Variants in KATNIP observed in about 807,000 individuals in gnomAD.
KATNIP encodes the protein katanin interacting protein.
A neutral mutation model predicts 174.0 loss-of-function variants in KATNIP; 126 were observed. The ratio of observed to expected loss-of-function variants is 0.72; its 90% CI spans 0.63 to 0.84. The LOEUF is 0.84. Among genes scored for constraint, KATNIP ranks in the 40% least tolerant of loss-of-function variants. The pLI, the probability that KATNIP is intolerant of heterozygous loss-of-function variation, is 0.00. For missense variants in KATNIP, 1,958 were observed against 2,109.7 expected (o/e 0.93, Z 1.41); for synonymous variants, 810 against 835.7 (o/e 0.97, Z 0.53).
intron 2 of KATNIP, among the ~76,000 whole-genome samples, chr16:27,578,280 C>T (rs1380016955): frequency 1.3e-5 from 2 of 152,084 alleles, no homozygotes; most frequent in Non-Finnish European, 2.9e-5. Flanking sequence ...CTGCAGTGAG[C>T]CAAGATCACA....
At chr16:27,717,044 A>G (rs1161360950) in intron 13 of KATNIP, among the ~76,000 whole-genome samples, 3 of 151,934 alleles carry the variant, frequency 2.0e-5, no homozygotes. Context: ...GGGTTTCACT[A>G]TGTTGGCCCG....
intron 6 of KATNIP, among the ~76,000 whole-genome samples, chr16:27,652,526 G>A (rs1241560904): frequency 6.6e-6 from 1 of 152,096 alleles, no homozygotes; most frequent in Non-Finnish European, 1.5e-5. Flanking sequence ...CCGTTTAAGT[G>A]GTATTGTCTC....
At chr16:27,652,173 G>A (rs1454901326) in intron 6 of KATNIP, among the ~76,000 whole-genome samples, 1 of 152,184 alleles carries the variant, frequency 6.6e-6, no homozygotes, top group Admixed American at 6.5e-5. Flanking sequence ...AATGTGTCAG[G>A]AGACAACAGG....
chr16:27,639,990 C>T (rs1039187957), intron 5 of KATNIP, among the ~76,000 whole-genome samples: 3 of 152,208 alleles, frequency 2.0e-5, no homozygotes, highest in African/African-American at 4.8e-5. Context: ...ACCCACACAA[C>T]CATATGGGGC....
chr16:27,600,747 T>TA (rs2075494653), intron 2 of KATNIP, among the ~76,000 whole-genome samples: 1 of 151,264 alleles, frequency 6.6e-6, no homozygotes, highest in African/African-American at 2.4e-5. Context: ...TTTTTTTTTT[T>TA]AGACGGAGTT....
intron 2 of KATNIP, among the ~76,000 whole-genome samples, chr16:27,617,765 C>A (rs2076082011): frequency 6.6e-6 from 1 of 152,072 alleles, no homozygotes; most frequent in South Asian, 2.1e-4. Flanking sequence ...TTCTTTGAGA[C>A]ACTCTGTTGC....
chr16:27,634,518 C>T (rs138943897), intron 5 of KATNIP, among the ~76,000 whole-genome samples: 2 of 152,312 alleles, frequency 1.3e-5, no homozygotes, highest in East Asian at 3.9e-4. Flanking sequence ...GAAGGTGTCA[C>T]CTTAGCTGCA....
intron 14 of KATNIP, among the ~76,000 whole-genome samples, chr16:27,722,997 C>T (rs920968537): frequency 4.6e-5 from 7 of 152,180 alleles, no homozygotes; most frequent in African/African-American, 1.7e-4. Context: ...TGGGAGAGAT[C>T]AGGGAAGGTT....
At chr16:27,648,126 C>T (rs898011955) in intron 5 of KATNIP, among the ~76,000 whole-genome samples, 1 of 152,084 alleles carries the variant, frequency 6.6e-6, no homozygotes, top group Non-Finnish European at 1.5e-5. Context: ...AAAACCCCGT[C>T]TCTACTAAAA....
At chr16:27,623,669 T>C (rs1340887189) in intron 3 of KATNIP, among the ~76,000 whole-genome samples, 1 of 152,180 alleles carries the variant, frequency 6.6e-6, no homozygotes, top group African/African-American at 2.4e-5. Context: ...TCGATATAAA[T>C]GCCTTCTCCC....
chr16:27,640,304 C>T (rs964463203), intron 5 of KATNIP, among the ~76,000 whole-genome samples: 5 of 152,220 alleles, frequency 3.3e-5, no homozygotes, highest in African/African-American at 4.8e-5. Context: ...GGTACAGCAG[C>T]GTGCCAAGCG....
chr16:27,612,160 A>G (rs895159807), intron 2 of KATNIP, among the ~76,000 whole-genome samples: 1 of 152,224 alleles, frequency 6.6e-6, no homozygotes, highest in Non-Finnish European at 1.5e-5. Context: ...TGTAAGTGCC[A>G]GGTACTGTGC....
chr16:27,754,479 T>C, intron 18 of KATNIP: 1 of 552,378 alleles, frequency 1.8e-6, no homozygotes, highest in Non-Finnish European at 3.2e-6. Flanking sequence ...GCATTTTGCC[T>C]TCCCTGAGGG....
At chr16:27,661,925 T>TATATAC (rs1567268903) in intron 6 of KATNIP, among the ~76,000 whole-genome samples, 2 of 49,026 alleles carry the variant, frequency 4.1e-5, no homozygotes, top group Non-Finnish European at 7.6e-5. Flanking sequence ...TATATATATA[T>TATATAC]ATATATATAT....
intron 2 of KATNIP, among the ~76,000 whole-genome samples, chr16:27,580,164 G>A (rs905067946): frequency 6.6e-6 from 1 of 152,108 alleles, no homozygotes; most frequent in Admixed American, 6.6e-5. Context: ...CCAGATTGGA[G>A]TGCAGTGGCG....
chr16:27,703,949 A>G lies in KATNIP; in HGVS notation c.1340A>G (p.His447Arg). The change falls in exon 12 of 28, where the codon CAT (histidine) becomes CGT (arginine). Residue 447 changes from histidine to arginine, a missense_variant. Coordinates refer to ENST00000261588, the MANE Select transcript of KATNIP (RefSeq NM_015202.5). Reference protein sequence around the residue: ...VLQAVESDSAHLGRVVSPTKE... With the variant: ...VLQAVESDSARLGRVVSPTKE... ...CAGGCCGTCGAAAGTGACTCTGCCCATCTCGGCAGGGTGGTTTCACCAACC... is the reference window on the plus strand; with the variant it reads ...CAGGCCGTCGAAAGTGACTCTGCCCGTCTCGGCAGGGTGGTTTCACCAACC... 6.2e-7 allele frequency: 1 copy of G among 1,614,262 alleles called. No individual in the cohort carries two copies. Among genetic ancestry groups the G allele is most frequent in the Non-Finnish European group, 8.5e-7 (1 of 1,180,048 alleles).
intron 5 of KATNIP, among the ~76,000 whole-genome samples, chr16:27,638,205 A>T (rs1040762676): frequency 2.0e-5 from 3 of 152,146 alleles, no homozygotes; most frequent in African/African-American, 7.2e-5. Context: ...AGCCCCTCAG[A>T]GACCAGTTCA....
chr16:27,757,835 T>G lies in KATNIP; in HGVS notation c.3632-3578T>G, dbSNP rs116878115. On this transcript the variant is annotated intron_variant, in intron 18 of 27. Transcript: ENST00000261588. ...GTGACCCGGGGGGAATGTGTCGGGG[T>G]TGGTAAATACGGCCAATCCTATTAA... 5.9e-3 allele frequency among the ~76,000 whole-genome samples: 894 copies of G among 152,134 alleles called. 11 individuals carry two copies. The highest frequency in any genetic ancestry group is 0.053 in the East Asian group (273 of 5,160).
chr16:27,728,058 G>A (rs541786378), intron 14 of KATNIP, among the ~76,000 whole-genome samples: 11 of 150,496 alleles, frequency 7.3e-5, no homozygotes, highest in Non-Finnish European at 1.6e-4. Flanking sequence ...CAATGACTTG[G>A]AAGTCAAAGA....
Sources: gnomAD v4.1 joint callset for allele counts (sites outside exome capture counted in the v4.1 genomes callset) on GRCh38, gnomAD v4.1.1 for gene constraint, MANE v1.5 for transcripts, NCBI Gene and HGNC (gene_info 2026-07-23, HGNC 2026-07-21) for gene names.